PRODH2: variants seen among roughly 807,000 people sequenced by gnomAD.
PRODH2 encodes the protein proline dehydrogenase 2.
A neutral mutation model predicts 51.9 loss-of-function variants in PRODH2; 49 were observed. The observed-to-expected ratio is 0.94, with a 90% CI of 0.75 to 1.20. The LOEUF (loss-of-function observed/expected upper bound fraction) is 1.20, where lower values mean the gene tolerates loss of function less well. PRODH2 is among the 50% of genes most tolerant of loss of function. The pLI is 0.00. For missense variants in PRODH2, 597 were observed against 610.9 expected (o/e 0.98, Z 0.24); for synonymous variants, 249 against 260.7 (o/e 0.96, Z 0.43).
At chr19:35,804,891 G>T (rs149441919) in intron 7 of PRODH2, among the ~76,000 whole-genome samples, 6 of 152,282 alleles carry the variant, frequency 3.9e-5, no homozygotes, top group African/African-American at 1.4e-4. Context: ...AGCCAAGATC[G>T]CACCACTGCA....
Position 35,812,718 on chromosome 19 carries a change from G to A in PRODH2, c.88C>T (p.His30Tyr). The change falls in exon 1 of 10, where the codon CAC (histidine) becomes TAC (tyrosine). Residue 30 changes from histidine (H) to tyrosine (Y), a missense_variant. Transcript: ENST00000653904. ...QSLSFDGGAF[H>Y]LKGTGELTRA... ...GTCAGCTCTCCTGTGCCCTTAAGGTGGAAGGCCCCGCCATCAAAGCTCAGG... is the reference window on the plus strand; with the variant it reads ...GTCAGCTCTCCTGTGCCCTTAAGGTAGAAGGCCCCGCCATCAAAGCTCAGG... The A allele has an allele frequency of 6.2e-7, 1 of 1,611,716 alleles. No individual in the cohort carries two copies.
chr19:35,801,320 G>C (rs894773448), intron 9 of PRODH2, among the ~76,000 whole-genome samples: 5 of 152,094 alleles, frequency 3.3e-5, no homozygotes, highest in African/African-American at 4.8e-5. Flanking sequence ...ACAAAAATTA[G>C]CTGGGCGTGG....
At position 35,802,434 on chromosome 19, in the gene PRODH2, C is replaced by T. The variant is rs1404310391; in HGVS notation, c.1113-158G>A. On this transcript the variant is annotated intron_variant, in intron 8 of 9. Coordinates refer to ENST00000653904, the MANE Select transcript of PRODH2 (RefSeq NM_021232.2). ...CCAGTCCTTTGCATTCCTTGAAGGT[C>T]CCCCAGTGACTCCCAGCCAGTTCCC... The T allele has an allele frequency of 4.1e-5, 28 of 690,266 alleles. No individual in the cohort carries two copies. The Admixed American group carries it at 5.5e-4, about 13-fold the overall frequency. The allele number at this position is 690,266 out of a possible 1,614,324, so 42.8% of individuals were successfully genotyped here.
intron 4 of PRODH2, 133 bp downstream of exon 4, chr19:35,811,829 G>A: frequency 1.2e-6 from 1 of 847,924 alleles, no homozygotes; most frequent in Non-Finnish European, 1.8e-6. Flanking sequence ...CCATGCCTGG[G>A]AGCTACAGCT....
At chr19:35,800,306 G>A (rs1290860002) in intron 9 of PRODH2, 84 bp from the exon 10 acceptor site, 6 of 1,277,546 alleles carry the variant, frequency 4.7e-6, no homozygotes, top group Non-Finnish European at 6.4e-6. Context: ...CTGGAGTGCA[G>A]TGGTGCAATC....
At chr19:35,808,300 A>C (rs1972545088) in intron 4 of PRODH2, among the ~76,000 whole-genome samples, 1 of 152,140 alleles carries the variant, frequency 6.6e-6, no homozygotes, top group Admixed American at 6.5e-5. Flanking sequence ...CTGGGTTCAA[A>C]GAAGTTGGGA....
Position 35,811,969 on chromosome 19 carries a change from G to A in PRODH2, c.590C>T (p.Ser197Phe). 1 of 1,614,050 alleles carries A rather than the reference G, an allele frequency of 6.2e-7. No individual in the cohort carries two copies. Among genetic ancestry groups the A allele is most frequent in the Non-Finnish European group, 8.5e-7 (1 of 1,179,934 alleles). The part of the protein sequence containing the change: ...SPERLAEAMD[S>F]GQNLQVSCLN... ...CCCGCTTGAGATCCTTACCTGCCCAGAGTCCATAGCTTCAGCCAGCCTCTC... is the reference window on the plus strand; with the variant it reads ...CCCGCTTGAGATCCTTACCTGCCCAAAGTCCATAGCTTCAGCCAGCCTCTC... Residue 197 changes from serine (S) to phenylalanine (F), a missense_variant, in exon 4 of 10, where the codon TCT (serine) becomes TTT (phenylalanine). Ser to Phe is a radical substitution (Grantham distance 155, BLOSUM62 -2). Transcript: ENST00000653904.
At chr19:35,804,116 C>T (rs1166289115) in intron 7 of PRODH2, among the ~76,000 whole-genome samples, 2 of 152,190 alleles carry the variant, frequency 1.3e-5, no homozygotes, top group Non-Finnish European at 2.9e-5. Flanking sequence ...AAGGTGGCCC[C>T]TCTCCTTCAA....
intron 4 of PRODH2, among the ~76,000 whole-genome samples, chr19:35,809,949 A>ACTCTGTCT (rs1200823408): frequency 3.7e-5 from 3 of 81,096 alleles, no homozygotes; most frequent in African/African-American, 5.0e-5. Flanking sequence ...ACAGAGCCAG[A>ACTCTGTCT]TGCCGCTTCA....
At position 35,812,015 on chromosome 19, in the gene PRODH2, C is replaced by T; in HGVS notation, c.544G>A (p.Ala182Thr). ...ELASWVRRPG[A>T]SLELSPERLA... is the part of the protein sequence containing the mutation. ...CTCTCGGGGCTCAGCTCCAAGGAGG[C>T]TCCTGGCCTTCTGACCCACGAGGCT... Residue 182 changes from alanine (A) to threonine (T), a missense_variant, in exon 4 of 10, where the codon GCC becomes ACC. Coordinates refer to ENST00000653904, the MANE Select transcript of PRODH2 (RefSeq NM_021232.2). 6.2e-7 allele frequency: 1 copy of T among 1,614,242 alleles called. No homozygotes were observed. The highest frequency in any genetic ancestry group is 8.5e-7 in the Non-Finnish European group (1 of 1,180,034).
intron 4 of PRODH2, among the ~76,000 whole-genome samples, chr19:35,809,968 A>AC (rs1445687350): frequency 1.9e-4 from 25 of 134,370 alleles, no homozygotes; most frequent in African/African-American, 6.4e-4. Context: ...CAAAAAAAAA[A>AC]AAAAAAAAAA....
chr19:35,800,510 A>G (rs532554926), intron 9 of PRODH2, among the ~76,000 whole-genome samples: 1 of 152,116 alleles, frequency 6.6e-6, no homozygotes, highest in South Asian at 2.1e-4. Context: ...TGGCCTCCCA[A>G]AGTGCTGGGA....
chr19:35,807,853 G>A lies in PRODH2; in HGVS notation c.598-732C>T, dbSNP rs1185577871. 5.1e-4 allele frequency among the ~76,000 whole-genome samples: 77 copies of A among 151,868 alleles called. 2 individuals carry two copies. Among genetic ancestry groups the A allele is most frequent in the Admixed American group, 5.1e-3 (77 of 15,236 alleles). On this transcript the variant is annotated intron_variant, in intron 4 of 9. Coordinates refer to ENST00000653904, the MANE Select transcript of PRODH2 (RefSeq NM_021232.2). ...TGCAGTGGCACGATCATGGCTCACT[G>A]CAGCCTCCACCTCCCCAGCTCAAGC...
At chr19:35,802,061 C>A in intron 9 of PRODH2, 130 bp downstream of exon 9, 1 of 818,746 alleles carries the variant, frequency 1.2e-6, no homozygotes, top group Non-Finnish European at 2.1e-6. Context: ...GGAAGGCCCA[C>A]AGACACTGGA....
intron 9 of PRODH2, among the ~76,000 whole-genome samples, chr19:35,801,587 G>C (rs1156406884): frequency 6.6e-6 from 1 of 152,138 alleles, no homozygotes; most frequent in Non-Finnish European, 1.5e-5. Context: ...TGAATTCACA[G>C]AGTTGCGGGG....
chr19:35,802,594 C>T, intron 8 of PRODH2: 1 of 455,690 alleles, frequency 2.2e-6, no homozygotes, highest in Non-Finnish European at 4.0e-6. Flanking sequence ...TAGGGACTTG[C>T]TTTGTTACCC....
intron 2 of PRODH2, 44 bp from the exon 3 acceptor site, chr19:35,812,316 T>A: frequency 6.2e-7 from 1 of 1,610,564 alleles, no homozygotes; most frequent in Non-Finnish European, 8.5e-7. Context: ...CAAAGCCCCT[T>A]CCTGCGTCCT....
Position 35,812,383 on chromosome 19 carries a change from C to T in PRODH2, c.348G>A (p.Glu116=). ...ACCCACTCTTGGCAGCAGAGTCCGG[C>T]TCCTCCTCAGTGGGCACTGCCAGCA... is the stretch of plus-strand genomic sequence containing the variant. ...RPLLAVPTEE[E]PDSAAKSGEA... The change falls in exon 2 of 10, where the codon GAG becomes GAA. Residue 116 remains glutamate (E), a synonymous_variant. Transcript: ENST00000653904. 16 of 1,613,610 alleles carry T rather than the reference C, an allele frequency of 9.9e-6. No individual in the cohort carries two copies. Among genetic ancestry groups the T allele is most frequent in the Non-Finnish European group, 1.4e-5 (16 of 1,179,616 alleles).
In PRODH2 at chr19:35,807,155, A is replaced by G. The variant is rs372801549; in HGVS notation, c.598-34T>C. The G allele has an allele frequency of 6.7e-6, 10 of 1,494,736 alleles. No individual in the cohort carries two copies. In the East Asian group the frequency reaches 9.9e-5, roughly 15 times the overall value. The allele number at this position is 1,494,736 out of a possible 1,614,324, so 92.6% of individuals were successfully genotyped here. A position where few individuals can be genotyped will look rare whatever the true frequency, so the allele number is the denominator to read the frequency against. On this transcript the variant is annotated intron_variant, in intron 4 of 9. Coordinates refer to ENST00000653904, the MANE Select transcript of PRODH2 (RefSeq NM_021232.2). ...CAGCAGGGGAAGTGGGGAAAAGCTT[A>G]TAAGTTGCTAGAAATCTAAAAATGA...
Sources: gnomAD v4.1 joint callset for allele counts (sites outside exome capture counted in the v4.1 genomes callset) on GRCh38, gnomAD v4.1.1 for gene constraint, MANE v1.5 for transcripts, NCBI Gene and HGNC (gene_info 2026-07-23, HGNC 2026-07-21) for gene names.